TMCC2: variants seen among roughly 807,000 people sequenced by gnomAD.
TMCC2 encodes the protein transmembrane and coiled-coil domain family 2.
A neutral mutation model predicts 49.4 loss-of-function variants in TMCC2; 16 were observed. That is an observed-to-expected ratio of 0.32 (90% CI 0.22 to 0.49). TMCC2 has a LOEUF of 0.49. Ranked by LOEUF, TMCC2 falls within the 20% of genes least tolerant of loss-of-function variation. TMCC2 has a pLI of 0.99. For missense variants in TMCC2, 762 were observed against 989.8 expected (o/e 0.77, Z 3.09); for synonymous variants, 397 against 434.1 (o/e 0.91, Z 1.06).
At chr1:205,230,785 AGG>A (rs1309813804) in intron 1 of TMCC2, among the ~76,000 whole-genome samples, 2 of 152,038 alleles carry the variant, frequency 1.3e-5, no homozygotes, top group Non-Finnish European at 2.9e-5. Context: ...GGACGCCTTA[AGG>A]GATGCCACGT....
chr1:205,258,792 C>T (rs186000323), intron 2 of TMCC2, among the ~76,000 whole-genome samples: 57 of 152,332 alleles, frequency 3.7e-4, no homozygotes, highest in South Asian at 6.2e-4. Context: ...GTCACATGAC[C>T]TCTTTGGGTT....
Position 205,228,417 on chromosome 1 carries a change from T to G in TMCC2, c.-148T>G. 1.6e-6 allele frequency: 1 copy of G among 640,356 alleles called. No homozygotes were observed. The highest frequency in any genetic ancestry group is 2.6e-6 in the Non-Finnish European group (1 of 388,356). The allele number at this position is 640,356 out of a possible 1,614,324, so 39.7% of individuals were successfully genotyped here. On this transcript the variant is annotated 5_prime_UTR_variant, in exon 1 of 5. Transcript: ENST00000358024. ...TCCCTCACCCGCCTTTAAGAATTTT[T>G]TTTTTAATTCAAGAAATTGTGGTCT...
chr1:205,266,682 A>G (rs1428768836), intron 2 of TMCC2, among the ~76,000 whole-genome samples: 2 of 151,932 alleles, frequency 1.3e-5, no homozygotes, highest in Non-Finnish European at 2.9e-5. Flanking sequence ...AATTTCTGAA[A>G]TAAATTTAGG....
chr1:205,237,040 T>G lies in TMCC2; in HGVS notation c.208-4465T>G, dbSNP rs372636287. On this transcript the variant is annotated intron_variant, in intron 1 of 4. Coordinates refer to ENST00000358024, the MANE Select transcript of TMCC2 (RefSeq NM_014858.4). ...CCCGTGTGCCCATGAGTTGAGTTTT[T>G]TTTTTAAAATTTCATCTGTGAGGCT... is the stretch of plus-strand genomic sequence containing the variant. Among the ~76,000 whole-genome samples the G allele has an allele frequency of 1.2e-4, 18 of 152,326 alleles. No individual in the cohort carries two copies. The East Asian group carries it at 3.5e-3, about 29-fold the overall frequency.
At chr1:205,271,772 C>T (rs914577822) in intron 4 of TMCC2, 41 bp from the exon 5 acceptor site, 6 of 1,587,998 alleles carry the variant, frequency 3.8e-6, no homozygotes, top group Non-Finnish European at 5.1e-6. Flanking sequence ...GGGGTCCTGC[C>T]CATCCTGAGC....
At position 205,229,581 on chromosome 1, in the gene TMCC2, A is replaced by AGGGGGGGGG. The variant is rs1659711192; in HGVS notation, c.207+812_207+813insGGGGGGGGG. 2.7e-5 allele frequency: 21 copies of AGGGGGGGGG among 771,900 alleles called. No homozygotes were observed. The African/African-American group carries it at 3.6e-4, about 13-fold the overall frequency. 47.8% of individuals were successfully genotyped at this position (771,900 alleles called of 1,614,324 possible). On this transcript the variant is annotated intron_variant, in intron 1 of 4. Coordinates refer to ENST00000358024, the MANE Select transcript of TMCC2 (RefSeq NM_014858.4). The stretch of plus-strand genomic sequence containing the variant: ...GGGTGGTGGCGGGGGCGGGGGGGGA[A>AGGGGGGGGG]GGTGGATTTCCTGCCGTTAGGTGGA...
At chr1:205,271,295 G>T (rs773312021) in intron 4 of TMCC2, 40 bp downstream of exon 4, 1 of 1,613,554 alleles carries the variant, frequency 6.2e-7, no homozygotes, top group Non-Finnish European at 8.5e-7. Flanking sequence ...AGATGTGCTG[G>T]TAGAGCTGGC....
chr1:205,229,554 G>GGT, intron 1 of TMCC2: 9 of 699,218 alleles, frequency 1.3e-5, no homozygotes, highest in Middle Eastern at 7.9e-4. Context: ...GCGGGGGGGG[G>GGT]GGGGTGGTGG....
At chr1:205,265,709 C>T (rs1028012841) in intron 2 of TMCC2, among the ~76,000 whole-genome samples, 2 of 151,538 alleles carry the variant, frequency 1.3e-5, no homozygotes, top group Non-Finnish European at 2.9e-5. Flanking sequence ...TACAGGCGTC[C>T]GCCACCACGC....
chr1:205,228,523 C>T lies in TMCC2; in HGVS notation c.-42C>T. 1.3e-6 allele frequency: 2 copies of T among 1,552,336 alleles called. No homozygotes were observed. The highest frequency in any genetic ancestry group is 1.8e-6 in the Non-Finnish European group (2 of 1,140,886). On this transcript the variant is annotated 5_prime_UTR_variant, in exon 1 of 5. Transcript: ENST00000358024. ...GGGGGTGCGGTCTTCCCCAAGACGG[C>T]GCGCTGGAAGGACAGATTCCCCTTG... is the stretch of plus-strand genomic sequence containing the variant.
intron 2 of TMCC2, among the ~76,000 whole-genome samples, chr1:205,245,629 A>G (rs571358652): frequency 6.6e-6 from 1 of 152,252 alleles, no homozygotes; most frequent in African/African-American, 2.4e-5. Context: ...AAATGTTTGG[A>G]TGTTCATTCA....
chr1:205,230,411 A>G (rs1287749965), intron 1 of TMCC2, among the ~76,000 whole-genome samples: 2 of 151,956 alleles, frequency 1.3e-5, no homozygotes, highest in Non-Finnish European at 2.9e-5. Context: ...AGGCCCAGGG[A>G]GTCCTTGGTG....
intron 2 of TMCC2, among the ~76,000 whole-genome samples, chr1:205,243,994 G>C (rs1660366347): frequency 6.6e-6 from 1 of 152,254 alleles, no homozygotes; most frequent in Admixed American, 6.5e-5. Flanking sequence ...AAATGAGCTT[G>C]AAGGAGGAGG....
chr1:205,261,974 C>T (rs924934629), intron 2 of TMCC2, among the ~76,000 whole-genome samples: 2 of 152,178 alleles, frequency 1.3e-5, no homozygotes, highest in African/African-American at 4.8e-5. Flanking sequence ...ACAGCTTTCT[C>T]ATCTTTTTCT....
intron 2 of TMCC2, among the ~76,000 whole-genome samples, chr1:205,254,046 T>G (rs1181845328): frequency 1.3e-5 from 2 of 152,298 alleles, no homozygotes; most frequent in East Asian, 3.9e-4. Context: ...GGTCTCACTC[T>G]CCAAGGCCGC....
intron 2 of TMCC2, among the ~76,000 whole-genome samples, chr1:205,266,259 AAAG>A (rs1558656657): frequency 2.0e-5 from 3 of 149,418 alleles, no homozygotes; most frequent in Non-Finnish European, 4.4e-5. Context: ...AAAAAAAAAA[AAAG>A]TTCTGTAACA....
intron 2 of TMCC2, chr1:205,246,496 T>C: frequency 3.4e-6 from 5 of 1,474,200 alleles, no homozygotes; most frequent in Non-Finnish European, 3.6e-6. Context: ...ATGATGGGAC[T>C]GAACCATTTG....
Position 205,241,813 on chromosome 1 carries a change from G to C in TMCC2, c.516G>C (p.Gly172=), listed in dbSNP as rs956071807. The part of the protein sequence containing the change: ...KRGASLHSSS[G]GGSSGSSSRR... ...GCGCCAGCCTGCACAGCAGCAGTGG[G>C]GGCGGCAGCAGCGGGAGCAGCAGCC... Residue 172 remains glycine (G), a synonymous_variant, in exon 2 of 5, where the codon GGG becomes GGC. Coordinates refer to ENST00000358024, the MANE Select transcript of TMCC2 (RefSeq NM_014858.4). This position sits in a 1 kb window ranked among gnomAD's most constrained non-coding sequence, Gnocchi z 7.3. 6.2e-7 allele frequency: 1 copy of C among 1,604,976 alleles called. No individual in the cohort carries two copies. The highest frequency in any genetic ancestry group is 1.3e-5 in the African/African-American group (1 of 74,838).
rs1660249594 is a variant in TMCC2, at chr1:205,241,256, G to T, written c.208-249G>T. On this transcript the variant is annotated intron_variant, in intron 1 of 4. Transcript: ENST00000358024. This position sits in a 1 kb window ranked among gnomAD's most constrained non-coding sequence, Gnocchi z 7.3. The stretch of plus-strand genomic sequence containing the variant: ...CCTAGAAACTCTGAACCTTCATTTT[G>T]ATTAGGAATGTCCCGTGGAAAACCG... Among the ~76,000 whole-genome samples, 1 of 152,098 alleles carries T rather than the reference G, an allele frequency of 6.6e-6. No homozygotes were observed. The highest frequency in any genetic ancestry group is 6.5e-5 in the Admixed American group (1 of 15,272).
Sources: allele counts gnomAD v4.1 joint callset (sites outside exome capture counted in the v4.1 genomes callset), GRCh38; gene constraint gnomAD v4.1.1; non-coding constraint Gnocchi (gnomAD v3.1); transcripts MANE v1.5; gene names NCBI Gene and HGNC (gene_info 2026-07-23, HGNC 2026-07-21).